The following PRR16 variants were observed in gnomAD, a reference collection of about 807,000 sequenced individuals.
PRR16 encodes the protein protein Largen.
A neutral mutation model predicts 18.2 loss-of-function variants in PRR16; 6 were observed. The ratio of observed to expected loss-of-function variants is 0.33; its 90% confidence interval spans 0.18 to 0.65. The LOEUF is 0.65. PRR16 is among the 30% of genes least tolerant of loss of function. The pLI, the probability that PRR16 is intolerant of heterozygous loss-of-function variation, is 0.74. For synonymous variants in PRR16, 151 were observed against 147.8 expected, an observed-to-expected ratio of 1.02 and a Z score of -0.16; for missense variants, 412 against 376.6, an observed-to-expected ratio of 1.09 and a Z score of -0.78.
chr5:120,550,805 C>T (rs2112698976), intron 1 of PRR16, among the ~76,000 whole-genome samples: 1 of 152,068 alleles, frequency 6.6e-6, no homozygotes, highest in South Asian at 2.1e-4. Context: ...GTGCCTAAAG[C>T]AGGGAAGGAC....
At chr5:120,689,132 A>C (rs115020666), downstream of PRR16, among the ~76,000 whole-genome samples, 112 of 152,306 alleles carry the variant, frequency 7.4e-4, no homozygotes, top group African/African-American at 2.5e-3. Context: ...ATTTATAATC[A>C]ACATTTAATG....
At chr5:120,519,538 A>G (rs963480081) in intron 1 of PRR16, among the ~76,000 whole-genome samples, 1 of 152,156 alleles carries the variant, frequency 6.6e-6, no homozygotes, top group Non-Finnish European at 1.5e-5. Flanking sequence ...GAAGCTTTTG[A>G]AGAGTAATCC....
intron 1 of PRR16, among the ~76,000 whole-genome samples, chr5:120,649,727 G>A (rs778586212): frequency 4.0e-4 from 61 of 151,958 alleles, no homozygotes; most frequent in Non-Finnish European, 7.8e-4. Context: ...CTACAGAAAT[G>A]GTGAAAATAT....
chr5:120,514,926 A>G (rs1265978417), intron 1 of PRR16, among the ~76,000 whole-genome samples: 2 of 152,132 alleles, frequency 1.3e-5, no homozygotes, highest in Non-Finnish European at 2.9e-5. Flanking sequence ...ACCCACTTCC[A>G]AATCTGCTTC....
At chr5:120,766,602 A>T in the PRR16 span, among the ~76,000 whole-genome samples, 1 of 151,886 alleles carries the variant, frequency 6.6e-6, no homozygotes, top group Admixed American at 6.6e-5. Context: ...ATTCCCTCTT[A>T]AGTGAATCAG....
chr5:120,754,401 T>TTATACTATATAGTATATATTATATACTA, the PRR16 span, among the ~76,000 whole-genome samples: 1 of 67,212 alleles, frequency 1.5e-5, no homozygotes, highest in Non-Finnish European at 2.5e-5. Flanking sequence ...ATGTTATATA[T>TTATACTATATAGTATATATTATATACTA]TATACTATAT....
chr5:120,703,733 C>T, the PRR16 span, among the ~76,000 whole-genome samples: 1 of 152,082 alleles, frequency 6.6e-6, no homozygotes, highest in South Asian at 2.1e-4. Flanking sequence ...GTCTCTGGTT[C>T]TCTGTGTGAG....
At chr5:120,650,798 G>A (rs1302261544) in intron 1 of PRR16, among the ~76,000 whole-genome samples, 2 of 152,128 alleles carry the variant, frequency 1.3e-5, no homozygotes, top group African/African-American at 2.4e-5. Context: ...ACGTGTGCAT[G>A]TGTCTTTATA....
chr5:120,639,524 G>A (rs1476248355), intron 1 of PRR16, among the ~76,000 whole-genome samples: 1 of 151,992 alleles, frequency 6.6e-6, no homozygotes, highest in East Asian at 1.9e-4. Context: ...CCCTAATGAT[G>A]AAGGGATGCT....
chr5:120,697,161 T>C, the PRR16 span, among the ~76,000 whole-genome samples: 1 of 152,238 alleles, frequency 6.6e-6, no homozygotes, highest in Admixed American at 6.5e-5. Flanking sequence ...AGGAAGCATA[T>C]AGCTGATAAG....
intron 1 of PRR16, among the ~76,000 whole-genome samples, chr5:120,490,288 G>A (rs942292862): frequency 5.3e-5 from 8 of 152,122 alleles, no homozygotes; most frequent in Admixed American, 2.6e-4. Context: ...TTCATGTACC[G>A]CAATCGGATG....
chr5:120,500,716 T>C (rs1260163079), intron 1 of PRR16, among the ~76,000 whole-genome samples: 2 of 152,158 alleles, frequency 1.3e-5, no homozygotes. Flanking sequence ...GATTTTGATA[T>C]CCTGTCAGTA....
chr5:120,703,891 T>C, the PRR16 span, among the ~76,000 whole-genome samples: 3 of 152,234 alleles, frequency 2.0e-5, no homozygotes, highest in Non-Finnish European at 2.9e-5. Flanking sequence ...CTGTCGATTA[T>C]GTAATATACC....
chr5:120,780,162 C>A, the PRR16 span, among the ~76,000 whole-genome samples: 38,762 of 152,022 alleles, frequency 0.25, 5,287 homozygotes, highest in Non-Finnish European at 0.3. Context: ...ATGGAACTTA[C>A]TTATGAGCCC....
At chr5:120,673,391 C>A (rs1371512896) in intron 1 of PRR16, among the ~76,000 whole-genome samples, 2 of 152,114 alleles carry the variant, frequency 1.3e-5, no homozygotes, top group East Asian at 1.9e-4. Context: ...TAAATGAAAC[C>A]AGGTACTTTG....
At chr5:120,665,959 G>T (rs369340518) in intron 1 of PRR16, among the ~76,000 whole-genome samples, 2 of 151,430 alleles carry the variant, frequency 1.3e-5, no homozygotes, top group Non-Finnish European at 3.0e-5. Flanking sequence ...TTGGTTCCAT[G>T]TGAACTTTAA....
intron 1 of PRR16, among the ~76,000 whole-genome samples, chr5:120,491,846 C>T (rs1256655981): frequency 6.6e-6 from 1 of 152,046 alleles, no homozygotes. Flanking sequence ...GCCCAGCTGA[C>T]ATACACTTTT....
At chr5:120,683,433 T>A (rs1199166468) in intron 1 of PRR16, among the ~76,000 whole-genome samples, 2 of 145,732 alleles carry the variant, frequency 1.4e-5, no homozygotes, top group Non-Finnish European at 3.0e-5. Flanking sequence ...ACCTGGGAGA[T>A]GGAGGTTGCG....
chr5:120,767,542 G>A, the PRR16 span, among the ~76,000 whole-genome samples: 2 of 151,834 alleles, frequency 1.3e-5, no homozygotes, highest in East Asian at 1.9e-4. Flanking sequence ...CCAATTTGAA[G>A]AGTCAAAGAT....
Sources: allele counts gnomAD v4.1 joint callset (sites outside exome capture counted in the v4.1 genomes callset), GRCh38; gene constraint gnomAD v4.1.1; transcripts MANE v1.5; gene names NCBI Gene and HGNC (gene_info 2026-07-23, HGNC 2026-07-21).